The following PEAK1 variants were observed in gnomAD, a reference collection of about 807,000 sequenced individuals.
PEAK1 encodes the protein inactive tyrosine-protein kinase PEAK1.
PEAK1 carries 54 observed loss-of-function variants against 124.7 expected under a neutral mutation model. The ratio of observed to expected loss-of-function variants is 0.43; its 90% CI spans 0.35 to 0.54. The LOEUF is 0.54. Among genes scored for constraint, PEAK1 ranks in the 20% least tolerant of loss-of-function variants. The pLI is 0.01. For missense variants in PEAK1, 2,046 were observed against 2,134.5 expected (o/e 0.96, Z 0.82); for synonymous variants, 719 against 760.0 (o/e 0.95, Z 0.89).
chr15:77,382,666 G>C (rs539444508), intron 1 of PEAK1, among the ~76,000 whole-genome samples: 1 of 152,228 alleles, frequency 6.6e-6, no homozygotes, highest in Non-Finnish European at 1.5e-5. Context: ...TTCCAGTTCT[G>C]TGTTCCTCCT....
At chr15:77,370,862 T>C in intron 1 of PEAK1, 5 of 521,858 alleles carry the variant, frequency 9.6e-6, no homozygotes, top group Non-Finnish European at 1.2e-5. Context: ...AAATCCCAAC[T>C]CTACTAAAAT....
intron 9 of PEAK1, among the ~76,000 whole-genome samples, chr15:77,119,948 C>T (rs2051758413): frequency 6.6e-6 from 1 of 152,208 alleles, no homozygotes; most frequent in Admixed American, 6.5e-5. Flanking sequence ...CTGAACCTTT[C>T]AGAATGATCA....
At position 77,175,896 on chromosome 15, in the gene PEAK1, A is replaced by G. The variant is rs796546752; in HGVS notation, c.3137+2894T>C. The stretch of plus-strand genomic sequence containing the variant: ...AGACTGGATTAAGAAAATGTGGCAC[A>G]TATACACCACAGAATACTATGCAGC... On this transcript the variant is annotated intron_variant, in intron 7 of 9. Transcript: ENST00000682557. 1.7e-4 allele frequency among the ~76,000 whole-genome samples: 26 copies of G among 152,360 alleles called. No homozygotes were observed. The East Asian group carries it at 4.2e-3, about 25-fold the overall frequency.
chr15:77,346,521 T>C (rs2066883867), intron 2 of PEAK1: 1 of 985,390 alleles, frequency 1.0e-6, no homozygotes, highest in Non-Finnish European at 1.2e-6. Flanking sequence ...ATGACTAGGA[T>C]GTACGGGCTC....
chr15:77,296,196 G>GCC (rs1166024126), intron 2 of PEAK1, among the ~76,000 whole-genome samples: 1 of 152,178 alleles, frequency 6.6e-6, no homozygotes, highest in South Asian at 2.1e-4. Flanking sequence ...AGGTAAGGAT[G>GCC]CCTTATCTTC....
At chr15:77,120,496 T>C (rs1355786318) in intron 9 of PEAK1, among the ~76,000 whole-genome samples, 1 of 152,240 alleles carries the variant, frequency 6.6e-6, no homozygotes, top group Non-Finnish European at 1.5e-5. Context: ...GGATTTCTCC[T>C]GCATCTTCAC....
At chr15:77,299,471 T>C (rs1444412143) in intron 2 of PEAK1, among the ~76,000 whole-genome samples, 9 of 152,204 alleles carry the variant, frequency 5.9e-5, no homozygotes, top group African/African-American at 2.2e-4. Context: ...CAATGATACA[T>C]TACTAGCCTG....
chr15:77,396,196 A>G (rs755717348), intron 1 of PEAK1, among the ~76,000 whole-genome samples: 24 of 152,112 alleles, frequency 1.6e-4, no homozygotes, highest in Non-Finnish European at 2.8e-4. Context: ...ATAGATAGGT[A>G]GGTAGATAGC....
intron 8 of PEAK1, among the ~76,000 whole-genome samples, chr15:77,135,350 A>G (rs1381472476): frequency 6.6e-6 from 1 of 152,228 alleles, no homozygotes; most frequent in Non-Finnish European, 1.5e-5. Flanking sequence ...CTGGGATTGT[A>G]ATAGTAAGTG....
At chr15:77,223,808 T>C (rs1176372617) in intron 6 of PEAK1, among the ~76,000 whole-genome samples, 11 of 151,754 alleles carry the variant, frequency 7.2e-5, no homozygotes, top group Admixed American at 4.0e-4. Flanking sequence ...CTCTGCCAGA[T>C]AGTTAAAAAC....
chr15:77,374,239 A>G (rs2068841513), intron 1 of PEAK1, among the ~76,000 whole-genome samples: 1 of 152,186 alleles, frequency 6.6e-6, no homozygotes, highest in South Asian at 2.1e-4. Flanking sequence ...GAGAAGAGTC[A>G]GTTAATTATA....
At chr15:77,405,010 T>A (rs1046228184) in intron 1 of PEAK1, among the ~76,000 whole-genome samples, 1 of 150,384 alleles carries the variant, frequency 6.6e-6, no homozygotes, top group Non-Finnish European at 1.5e-5. Flanking sequence ...ATTAGTTTTT[T>A]GTTTTTTTTT....
chr15:77,144,609 G>A (rs1246439392), intron 8 of PEAK1, among the ~76,000 whole-genome samples: 3 of 152,198 alleles, frequency 2.0e-5, no homozygotes, highest in African/African-American at 7.2e-5. Context: ...AGGTAGCAAG[G>A]AAATAAAGAT....
chr15:77,281,019 G>A (rs1295429586), intron 5 of PEAK1, among the ~76,000 whole-genome samples: 1 of 152,002 alleles, frequency 6.6e-6, no homozygotes, highest in African/African-American at 2.4e-5. Context: ...AATTAGCCAG[G>A]TGGGGTGACA....
At chr15:77,372,289 A>G (rs2068699431) in intron 1 of PEAK1, among the ~76,000 whole-genome samples, 1 of 152,228 alleles carries the variant, frequency 6.6e-6, no homozygotes, top group African/African-American at 2.4e-5. Context: ...CAATCTGGAT[A>G]CAAAAGCTGC....
chr15:77,378,560 C>T (rs913797438), intron 1 of PEAK1, among the ~76,000 whole-genome samples: 2 of 152,078 alleles, frequency 1.3e-5, no homozygotes, highest in Non-Finnish European at 2.9e-5. Flanking sequence ...TGCTGACATA[C>T]TAACACACTC....
At chr15:77,347,096 T>C (rs1366950854) in intron 2 of PEAK1, 1 of 526,180 alleles carries the variant, frequency 1.9e-6, no homozygotes, top group East Asian at 1.5e-4. Context: ...GGACAAGGAG[T>C]AGAAGACTTG....
At chr15:77,142,118 T>C (rs533775796) in intron 8 of PEAK1, among the ~76,000 whole-genome samples, 15 of 152,142 alleles carry the variant, frequency 9.9e-5, no homozygotes, top group Non-Finnish European at 2.1e-4. Context: ...TCAGAATATA[T>C]AAGGAACTCT....
At chr15:77,209,287 G>A (rs893543270) in intron 6 of PEAK1, among the ~76,000 whole-genome samples, 3 of 152,080 alleles carry the variant, frequency 2.0e-5, no homozygotes, top group East Asian at 3.9e-4. Flanking sequence ...ACTAGCAAAC[G>A]GAGATTTTCA....
Sources: allele counts gnomAD v4.1 joint callset (sites outside exome capture counted in the v4.1 genomes callset), GRCh38; gene constraint gnomAD v4.1.1; transcripts MANE v1.5; gene names NCBI Gene and HGNC (gene_info 2026-07-23, HGNC 2026-07-21).